FYTTD1: variants seen among roughly 807,000 people sequenced by gnomAD.
FYTTD1 encodes UAP56-interacting factor.
A neutral mutation model predicts 40.9 loss-of-function variants in FYTTD1; 22 were observed. The observed-to-expected ratio is 0.54, with a 90% CI of 0.38 to 0.77. The LOEUF (loss-of-function observed/expected upper bound fraction) is 0.77. Ranked by LOEUF, FYTTD1 falls within the 30% of genes least tolerant of loss-of-function variation. FYTTD1 has a pLI of 0.00. For missense variants in FYTTD1, 351 were observed against 392.2 expected (o/e 0.90, Z 0.89); for synonymous variants, 140 against 137.9 (o/e 1.01, Z -0.10).
chr3:197,760,273 G>A (rs566993847), intron 2 of FYTTD1, among the ~76,000 whole-genome samples: 104 of 148,114 alleles, frequency 7.0e-4, no homozygotes, highest in Admixed American at 2.6e-3. Flanking sequence ...AGTGGTAGAA[G>A]GTACAGAGTT....
intron 1 of FYTTD1, among the ~76,000 whole-genome samples, chr3:197,754,576 C>T (rs1234636016): frequency 2.0e-5 from 3 of 150,942 alleles, no homozygotes; most frequent in African/African-American, 7.3e-5. Context: ...TGACTGTATG[C>T]AATTTCTTTG....
rs760336770 is a variant in FYTTD1, at chr3:197,755,780, G to A, written c.104-646G>A. ...TGGGATTATAGGTGTGAGTCACCATGCCTGGCCGGAAGGGGGTCATCTTTA... is the reference window on the plus strand; with the variant it reads ...TGGGATTATAGGTGTGAGTCACCATACCTGGCCGGAAGGGGGTCATCTTTA... On this transcript the variant is annotated intron_variant, in intron 1 of 8. Transcript: ENST00000241502. 13 of 1,550,396 alleles carry A rather than the reference G, an allele frequency of 8.4e-6. 1 individual carries two copies. In the South Asian group the frequency reaches 1.5e-4, roughly 18 times the overall value.
intron 2 of FYTTD1, among the ~76,000 whole-genome samples, chr3:197,756,965 C>T (rs1198283351): frequency 1.3e-5 from 2 of 152,232 alleles, no homozygotes; most frequent in African/African-American, 4.8e-5. Flanking sequence ...GCCACTGTGC[C>T]TGGCCTCTTA....
Position 197,787,584 on chromosome 3 carries a change from G to A in FYTTD1, c.*5675G>A, listed in dbSNP as rs575292035. On this transcript the variant is annotated 3_prime_UTR_variant, in exon 9 of 9. Coordinates refer to ENST00000241502, the MANE Select transcript of FYTTD1 (RefSeq NM_032288.7). The stretch of plus-strand genomic sequence containing the variant: ...AACTTTCAGTCTGTAAAATAAACAG[G>A]AAGAACTGGGAAGTACACTGTATCA... The A allele has an allele frequency of 5.9e-5, 9 of 152,178 alleles. No individual in the cohort carries two copies. Among genetic ancestry groups the A allele is most frequent in the Non-Finnish European group, 1.3e-4 (9 of 68,042 alleles). The allele number at this position is 152,178 out of a possible 1,614,324, so 9.4% of individuals were successfully genotyped here. A position where few individuals can be genotyped will look rare whatever the true frequency, so the allele number is the denominator to read the frequency against.
chr3:197,773,594 C>A, intron 5 of FYTTD1, 95 bp downstream of exon 5: 1 of 695,586 alleles, frequency 1.4e-6, no homozygotes, highest in Non-Finnish European at 2.5e-6. Flanking sequence ...CAGTCATAGG[C>A]AGCATTGGGT....
intron 1 of FYTTD1, among the ~76,000 whole-genome samples, chr3:197,755,141 G>GA (rs897739097): frequency 9.2e-5 from 14 of 152,180 alleles, no homozygotes; most frequent in African/African-American, 1.2e-4. Flanking sequence ...AGTGTAGAAA[G>GA]AAAAATAAGG....
chr3:197,759,095 AGTT>A (rs1413965646), intron 2 of FYTTD1, among the ~76,000 whole-genome samples: 1 of 151,946 alleles, frequency 6.6e-6, no homozygotes, highest in African/African-American at 2.4e-5. Context: ...GAAAGTATAG[AGTT>A]GTTCTTCAGT....
At chr3:197,759,428 GTTGTTCTTCAGTGGTAGAATGTATAGA>G (rs1729305470) in intron 2 of FYTTD1, among the ~76,000 whole-genome samples, 1 of 151,774 alleles carries the variant, frequency 6.6e-6, no homozygotes, top group Non-Finnish European at 1.5e-5. Context: ...AATGTATGGA[GTTGTTCTTCAGTGGTAGAATGTATAGA>G]GTGTTCTTCA....
intron 5 of FYTTD1, among the ~76,000 whole-genome samples, chr3:197,773,796 C>T (rs1357841083): frequency 6.9e-6 from 1 of 144,714 alleles, no homozygotes; most frequent in South Asian, 2.1e-4. Context: ...GTGGGCCCCT[C>T]TGCTGCACTC....
At chr3:197,762,891 A>G (rs1010687758) in intron 2 of FYTTD1, among the ~76,000 whole-genome samples, 2 of 152,026 alleles carry the variant, frequency 1.3e-5, no homozygotes, top group African/African-American at 4.8e-5. Context: ...TCCAAAAAAA[A>G]AACTAGTGGA....
intron 1 of FYTTD1, among the ~76,000 whole-genome samples, chr3:197,751,802 A>G (rs887017559): frequency 1.3e-5 from 2 of 152,176 alleles, no homozygotes; most frequent in Non-Finnish European, 2.9e-5. Context: ...GATTCTAGCG[A>G]TGGAGAGCAC....
At chr3:197,763,258 A>G (rs1257358665) in intron 2 of FYTTD1, among the ~76,000 whole-genome samples, 1 of 151,974 alleles carries the variant, frequency 6.6e-6, no homozygotes, top group African/African-American at 2.4e-5. Context: ...TACTAAAAAT[A>G]CAACAATTAG....
At chr3:197,771,871 A>T (rs1305123930) in intron 4 of FYTTD1, among the ~76,000 whole-genome samples, 1 of 151,428 alleles carries the variant, frequency 6.6e-6, no homozygotes, top group East Asian at 1.9e-4. Context: ...CTGCGTGTGG[A>T]TCACCTGAGG....
At chr3:197,755,891 C>T in intron 1 of FYTTD1, 1 of 1,442,340 alleles carries the variant, frequency 6.9e-7, no homozygotes, top group South Asian at 1.2e-5. Context: ...AAAATGGACG[C>T]TTCTGCGATT....
intron 3 of FYTTD1, 78 bp from the exon 4 acceptor site, chr3:197,770,054 C>G (rs1295343234): frequency 2.5e-6 from 2 of 811,766 alleles, no homozygotes; most frequent in Admixed American, 4.9e-5. Flanking sequence ...CTTGTTCATT[C>G]TGCATCTGAA....
At chr3:197,776,461 G>T (rs1299416972) in intron 6 of FYTTD1, among the ~76,000 whole-genome samples, 1 of 141,886 alleles carries the variant, frequency 7.0e-6, no homozygotes, top group African/African-American at 2.6e-5. Context: ...CTGACCTCAT[G>T]ATCCACCTGC....
intron 1 of FYTTD1, chr3:197,750,418 A>G (rs1580438183): frequency 9.6e-7 from 1 of 1,036,478 alleles, no homozygotes; most frequent in South Asian, 4.5e-5. Flanking sequence ...GCTCTTTGTG[A>G]GGAAAGATCT....
rs1171766691 is a variant in FYTTD1, at chr3:197,754,651, GT to G, written c.104-1764del. Among the ~76,000 whole-genome samples, 709 of 142,254 alleles carry G rather than the reference GT, an allele frequency of 5.0e-3. 7 individuals are homozygous for G. Among genetic ancestry groups the G allele is most frequent in the African/African-American group, 0.014 (544 of 38,888 alleles). The allele number at this position is 142,254 out of a possible 152,430, so 93.3% of individuals were successfully genotyped here. A position where few individuals can be genotyped will look rare whatever the true frequency, so the allele number is the denominator to read the frequency against. ...AGGACTATGGAGGAAATGTTTGTGG[GT>G]TTTTTTTTTTCTTTCTTTTTTTTTT... On this transcript the variant is annotated intron_variant, in intron 1 of 8. Coordinates refer to ENST00000241502, the MANE Select transcript of FYTTD1 (RefSeq NM_032288.7).
At position 197,776,908 on chromosome 3, in the gene FYTTD1, T is replaced by G. The variant is rs201860162; in HGVS notation, c.657-19T>G. 8 of 1,548,840 alleles carry G rather than the reference T, an allele frequency of 5.2e-6. No homozygotes were observed. In the African/African-American group the frequency reaches 6.8e-5, roughly 13 times the overall value. On this transcript the variant is annotated intron_variant, in intron 6 of 8. Coordinates refer to ENST00000241502, the MANE Select transcript of FYTTD1 (RefSeq NM_032288.7). ...TCAACTTACATTTAATGAATTTTTTTTATTTTTTTTGAAACTAGATGGCGG... is the reference window on the plus strand; with the variant it reads ...TCAACTTACATTTAATGAATTTTTTGTATTTTTTTTGAAACTAGATGGCGG...
Sources: gnomAD v4.1 joint callset for allele counts (sites outside exome capture counted in the v4.1 genomes callset) on GRCh38, gnomAD v4.1.1 for gene constraint, MANE v1.5 for transcripts, NCBI Gene and HGNC (gene_info 2026-07-23, HGNC 2026-07-21) for gene names.